The following CACNA1D variants were observed in gnomAD, a reference collection of about 807,000 sequenced individuals.
CACNA1D encodes voltage-dependent L-type calcium channel subunit alpha-1D.
A neutral mutation model predicts 257.1 loss-of-function variants in CACNA1D; 55 were observed. The ratio of observed to expected loss-of-function variants is 0.21; its 90% CI spans 0.17 to 0.27. CACNA1D has a LOEUF of 0.27. Among genes scored for constraint, CACNA1D ranks in the 10% least tolerant of loss-of-function variants. The pLI, the probability that CACNA1D is intolerant of heterozygous loss-of-function variation, is 1.00. For missense variants in CACNA1D, 1,876 were observed against 2,784.0 expected (o/e 0.67, Z 7.34); for synonymous variants, 980 against 1,014.9 (o/e 0.97, Z 0.65).
chr3:53,800,003 T>C lies in CACNA1D; in HGVS notation c.4924-246T>C. On this transcript the variant is annotated intron_variant, in intron 40 of 47. Coordinates refer to ENST00000350061, the MANE Select transcript of CACNA1D (RefSeq NM_001128840.3). The surrounding 1 kb of genome is among the most constrained non-coding windows in gnomAD (Gnocchi z 4.3). ...AGGCAGTGTTCCTTGGAAGTGGGGG[T>C]TTTGCAAAGGAGGTTACGGGGTTGC... 1 of 559,122 alleles carries C rather than the reference T, an allele frequency of 1.8e-6. No homozygotes were observed. Among genetic ancestry groups the C allele is most frequent in the South Asian group, 1.9e-5 (1 of 51,440 alleles). 34.6% of individuals were successfully genotyped at this position (559,122 alleles called of 1,614,324 possible).
chr3:53,709,078 G>A (rs1310294742), intron 9 of CACNA1D, among the ~76,000 whole-genome samples: 1 of 152,224 alleles, frequency 6.6e-6, no homozygotes, highest in Non-Finnish European at 1.5e-5. Flanking sequence ...CATGGGTGCA[G>A]CAGGAATAGG....
At chr3:53,561,711 A>T (rs1237339924) in intron 3 of CACNA1D, among the ~76,000 whole-genome samples, 1 of 152,090 alleles carries the variant, frequency 6.6e-6, no homozygotes, top group Non-Finnish European at 1.5e-5. Context: ...AATTATTGCC[A>T]CTTTCTTTGA....
chr3:53,601,275 T>G (rs371988056), intron 3 of CACNA1D, among the ~76,000 whole-genome samples: 6 of 152,296 alleles, frequency 3.9e-5, no homozygotes, highest in African/African-American at 1.4e-4. Flanking sequence ...TCCTGTCATA[T>G]GTACTAAGGT....
intron 3 of CACNA1D, among the ~76,000 whole-genome samples, chr3:53,541,440 A>G (rs1242037028): frequency 2.0e-5 from 3 of 152,196 alleles, no homozygotes; most frequent in Non-Finnish European, 2.9e-5. Context: ...GTTTGGAGCA[A>G]ATTTTGTGGG....
At chr3:53,682,365 TAAAA>T (rs3082718) in intron 8 of CACNA1D, among the ~76,000 whole-genome samples, 45 of 47,358 alleles carry the variant, frequency 9.5e-4, no homozygotes, top group African/African-American at 1.4e-3. Flanking sequence ...TTGTCTCTGG[TAAAA>T]AAAAAAAAAA....
chr3:53,538,141 G>GTTTTTTTTT lies in CACNA1D; in HGVS notation c.483+36439_483+36447dup, dbSNP rs538996336. On this transcript the variant is annotated intron_variant, in intron 3 of 47. Transcript: ENST00000350061. ...TTCTCCATATTTACCAGTTTTTGAA[G>GTTTTTTTTT]TTTTTTTTTTTTTTTTTTTTTTTTT... 4.8e-4 allele frequency among the ~76,000 whole-genome samples: 43 copies of GTTTTTTTTT among 90,466 alleles called. 9 individuals are homozygous for GTTTTTTTTT. Among genetic ancestry groups the GTTTTTTTTT allele is most frequent in the African/African-American group, 2.4e-3 (40 of 16,672 alleles). 59.3% of individuals were successfully genotyped at this position (90,466 alleles called of 152,430 possible).
At chr3:53,765,139 A>T (rs2095325135) in intron 30 of CACNA1D, among the ~76,000 whole-genome samples, 1 of 152,212 alleles carries the variant, frequency 6.6e-6, no homozygotes, top group Non-Finnish European at 1.5e-5. Flanking sequence ...GCACAAAGAT[A>T]AAAAAGGACT....
intron 3 of CACNA1D, among the ~76,000 whole-genome samples, chr3:53,612,825 C>A (rs978681599): frequency 6.6e-6 from 1 of 152,160 alleles, no homozygotes; most frequent in Non-Finnish European, 1.5e-5. Context: ...GAGCCCATCT[C>A]TCAGGCATTA....
intron 3 of CACNA1D, among the ~76,000 whole-genome samples, chr3:53,502,153 C>A (rs188216236): frequency 3.8e-4 from 57 of 150,830 alleles, no homozygotes; most frequent in Non-Finnish European, 6.6e-4. Context: ...TGTACATGAA[C>A]TATTTTTAGA....
chr3:53,602,450 C>T (rs1313914686), intron 3 of CACNA1D, among the ~76,000 whole-genome samples: 1 of 152,290 alleles, frequency 6.6e-6, no homozygotes, highest in African/African-American at 2.4e-5. Context: ...ATATTGATTT[C>T]CTTTCTGTTG....
intron 3 of CACNA1D, among the ~76,000 whole-genome samples, chr3:53,574,174 G>A (rs546339677): frequency 2.0e-5 from 3 of 152,282 alleles, no homozygotes; most frequent in South Asian, 2.1e-4. Context: ...TCTAAATGAC[G>A]AGGGTGCTGC....
chr3:53,742,435 C>T (rs1335390642), intron 21 of CACNA1D, among the ~76,000 whole-genome samples: 1 of 152,206 alleles, frequency 6.6e-6, no homozygotes, highest in African/African-American at 2.4e-5. Flanking sequence ...TGAGATGCCA[C>T]CTGGCTTCCT....
chr3:53,710,399 C>T (rs1434242755), intron 9 of CACNA1D: 5 of 456,670 alleles, frequency 1.1e-5, no homozygotes, highest in Admixed American at 7.0e-5. Flanking sequence ...CTGAAGGGGT[C>T]ACAGTGGCCG....
chr3:53,678,567 C>G (rs2094398353), intron 8 of CACNA1D, among the ~76,000 whole-genome samples: 1 of 152,106 alleles, frequency 6.6e-6, no homozygotes, highest in Non-Finnish European at 1.5e-5. Context: ...AAACTGAAGG[C>G]AATTTTCAAA....
chr3:53,769,993 C>A lies in CACNA1D; in HGVS notation c.3891C>A (p.Val1297=), dbSNP rs1212068201. The change falls in exon 31 of 48, where the codon GTC becomes GTA. Residue 1297 remains valine (V), a synonymous_variant. Transcript: ENST00000350061. ...SEADPTESEN[V]PVPTATPGNS... ...TAAAGCCAACTGAAAGTGAAAATGT[C>A]CCTGTCCCAACTGCTACACCTGGGG... 1 of 1,613,432 alleles carries A rather than the reference C, an allele frequency of 6.2e-7. No homozygotes were observed. Among genetic ancestry groups the A allele is most frequent in the Non-Finnish European group, 8.5e-7 (1 of 1,179,314 alleles).
chr3:53,506,450 G>T (rs527731487), intron 3 of CACNA1D, among the ~76,000 whole-genome samples: 1 of 152,300 alleles, frequency 6.6e-6, no homozygotes, highest in Non-Finnish European at 1.5e-5. Context: ...AGTGACTTTG[G>T]ATGGAACTAG....
intron 3 of CACNA1D, among the ~76,000 whole-genome samples, chr3:53,622,279 G>C (rs1365021320): frequency 6.6e-6 from 1 of 152,256 alleles, no homozygotes. Context: ...TTGAACTCCT[G>C]ACCTCAAATG....
At chr3:53,641,328 G>A (rs535208837) in intron 3 of CACNA1D, among the ~76,000 whole-genome samples, 20 of 152,178 alleles carry the variant, frequency 1.3e-4, no homozygotes, top group South Asian at 6.2e-4. Flanking sequence ...CATCCTCTCC[G>A]CCCCAAAGGA....
Position 53,774,790 on chromosome 3 carries a change from G to T in CACNA1D, c.4202+112G>T. On this transcript the variant is annotated intron_variant, in intron 34 of 47. Transcript: ENST00000350061. This position sits in a 1 kb window ranked among gnomAD's most constrained non-coding sequence, Gnocchi z 4.3. The stretch of plus-strand genomic sequence containing the variant: ...AGCAGTGTGCCTTTCTCAGTTGATT[G>T]TGATGGCTTTTTGTTTTTGTTTGTT... The T allele has an allele frequency of 1.4e-6, 1 of 702,298 alleles. No individual in the cohort carries two copies. Among genetic ancestry groups the T allele is most frequent in the East Asian group, 2.5e-5 (1 of 40,286 alleles). 43.5% of individuals were successfully genotyped at this position (702,298 alleles called of 1,614,324 possible).
Sources: gnomAD v4.1 joint callset for allele counts (sites outside exome capture counted in the v4.1 genomes callset) on GRCh38, gnomAD v4.1.1 for gene constraint, Gnocchi (gnomAD v3.1) non-coding constraint, MANE v1.5 for transcripts, NCBI Gene and HGNC (gene_info 2026-07-23, HGNC 2026-07-21) for gene names.